ADAMTSL1: variants seen among roughly 807,000 people sequenced by gnomAD.
The protein encoded by ADAMTSL1 is ADAMTS like 1.
ADAMTSL1 carries 126 observed loss-of-function variants against 201.8 expected under a neutral mutation model. The observed-to-expected ratio is 0.62, with a 90% CI of 0.54 to 0.72. The LOEUF is 0.72. ADAMTSL1 is among the 30% of genes least tolerant of loss of function. ADAMTSL1 has a pLI of 0.00. For synonymous variants in ADAMTSL1, 1,121 were observed against 903.4 expected (o/e 1.24, Z -4.32); for missense variants, 2,679 against 2,277.8 (o/e 1.18, Z -3.59).
chr9:18,368,260 A>C (rs148126607), intron 2 of ADAMTSL1, among the ~76,000 whole-genome samples: 3 of 152,048 alleles, frequency 2.0e-5, no homozygotes, highest in Non-Finnish European at 2.9e-5. Context: ...GGCCTCATCA[A>C]TATGAAACAT....
chr9:18,777,491 C>G lies in ADAMTSL1; in HGVS notation c.3262C>G (p.Gln1088Glu), dbSNP rs1352939648. ...CGACATCCTGGGGAACCTCTCCCAG[C>G]AGCCCGAGGAGCTGCGCGACCTCTA... ...LDDILGNLSQ[Q>E]PEELRDLYSK... The change falls in exon 19 of 29, where the codon CAG becomes GAG. Residue 1088 changes from glutamine (Q) to glutamate (E), a missense_variant. Coordinates refer to ENST00000380548, the MANE Select transcript of ADAMTSL1 (RefSeq NM_001040272.6). 1 of 1,593,938 alleles carries G rather than the reference C, an allele frequency of 6.3e-7. No individual in the cohort carries two copies. The highest frequency in any genetic ancestry group is 8.5e-7 in the Non-Finnish European group (1 of 1,170,700).
chr9:18,089,061 A>G (rs1381974391), intron 1 of ADAMTSL1, among the ~76,000 whole-genome samples: 2 of 152,196 alleles, frequency 1.3e-5, no homozygotes, highest in African/African-American at 4.8e-5. Context: ...TCCTTTAAAA[A>G]GAAGAAAATG....
At chr9:18,051,100 G>A (rs1197230849) in intron 1 of ADAMTSL1, among the ~76,000 whole-genome samples, 1 of 152,188 alleles carries the variant, frequency 6.6e-6, no homozygotes, top group Non-Finnish European at 1.5e-5. Context: ...AGGAGATGGA[G>A]ACCATCCTGG....
intron 2 of ADAMTSL1, among the ~76,000 whole-genome samples, chr9:18,334,751 A>G (rs913890752): frequency 2.6e-5 from 4 of 152,158 alleles, no homozygotes; most frequent in Non-Finnish European, 4.4e-5. Flanking sequence ...ACAGAAACCA[A>G]ATAGAATAAA....
intron 4 of ADAMTSL1, among the ~76,000 whole-genome samples, chr9:18,592,449 G>T (rs1334446382): frequency 6.6e-6 from 1 of 152,096 alleles, no homozygotes; most frequent in Non-Finnish European, 1.5e-5. Context: ...TCCACAGATT[G>T]GTTGCCATTG....
chr9:18,803,164 C>T (rs1241018856), intron 20 of ADAMTSL1, among the ~76,000 whole-genome samples: 1 of 152,232 alleles, frequency 6.6e-6, no homozygotes, highest in Admixed American at 6.5e-5. Flanking sequence ...AAGATGTCAA[C>T]AGGCTTTATC....
intron 1 of ADAMTSL1, among the ~76,000 whole-genome samples, chr9:18,079,096 A>T (rs1354453565): frequency 6.6e-6 from 1 of 152,114 alleles, no homozygotes; most frequent in Non-Finnish European, 1.5e-5. Context: ...ATTAGGGTTG[A>T]CTCAAGAGGG....
At chr9:17,978,482 C>A (rs1280024923) in intron 1 of ADAMTSL1, among the ~76,000 whole-genome samples, 1 of 151,860 alleles carries the variant, frequency 6.6e-6, no homozygotes, top group African/African-American at 2.4e-5. Flanking sequence ...CTTTGTATTT[C>A]CATGAGGCTT....
chr9:18,327,327 A>G (rs1834866892), intron 2 of ADAMTSL1, among the ~76,000 whole-genome samples: 1 of 152,220 alleles, frequency 6.6e-6, no homozygotes, highest in African/African-American at 2.4e-5. Context: ...ATCTATTCCA[A>G]AGGAATGAAC....
intron 1 of ADAMTSL1, among the ~76,000 whole-genome samples, chr9:18,085,624 T>C (rs1462954777): frequency 2.0e-5 from 3 of 149,314 alleles, no homozygotes; most frequent in Non-Finnish European, 4.5e-5. Flanking sequence ...TATACGTATA[T>C]ACACTGTGTG....
chr9:18,275,422 T>G (rs916887839), intron 2 of ADAMTSL1, among the ~76,000 whole-genome samples: 1 of 152,174 alleles, frequency 6.6e-6, no homozygotes, highest in Non-Finnish European at 1.5e-5. Flanking sequence ...TAAATATGAA[T>G]AGTCATCCAA....
At chr9:18,875,947 G>A (rs1828119982) in intron 23 of ADAMTSL1, among the ~76,000 whole-genome samples, 1 of 150,568 alleles carries the variant, frequency 6.6e-6, no homozygotes, top group Admixed American at 6.7e-5. Context: ...GCATAGTTAG[G>A]ATTATGATAT....
intron 1 of ADAMTSL1, among the ~76,000 whole-genome samples, chr9:18,032,831 C>T (rs147334362): frequency 1.3e-5 from 2 of 152,290 alleles, no homozygotes; most frequent in African/African-American, 4.8e-5. Flanking sequence ...TTCCTTTACT[C>T]ATCCCTTCCA....
chr9:18,703,056 G>A (rs1165119621), intron 13 of ADAMTSL1, among the ~76,000 whole-genome samples: 7 of 152,136 alleles, frequency 4.6e-5, no homozygotes, highest in South Asian at 2.1e-4. Flanking sequence ...GTGCCCGGCC[G>A]ACAAGAAGAA....
At chr9:18,749,828 T>C (rs1049983946) in intron 15 of ADAMTSL1, among the ~76,000 whole-genome samples, 2 of 152,264 alleles carry the variant, frequency 1.3e-5, no homozygotes, top group African/African-American at 4.8e-5. Context: ...TCCTTGAGAA[T>C]GCAGTGCACT....
chr9:18,213,885 C>T (rs1829970869), intron 2 of ADAMTSL1, among the ~76,000 whole-genome samples: 2 of 151,972 alleles, frequency 1.3e-5, no homozygotes, highest in Admixed American at 1.3e-4. Flanking sequence ...GATTACACGC[C>T]TGGCTTGCTT....
intron 2 of ADAMTSL1, among the ~76,000 whole-genome samples, chr9:18,514,875 G>A (rs1818272069): frequency 6.6e-6 from 1 of 152,112 alleles, no homozygotes; most frequent in African/African-American, 2.4e-5. Flanking sequence ...TGATATTAGA[G>A]GAAAAGCCAT....
chr9:18,896,165 A>C (rs1373595758), intron 26 of ADAMTSL1, among the ~76,000 whole-genome samples: 1 of 152,216 alleles, frequency 6.6e-6, no homozygotes, highest in Non-Finnish European at 1.5e-5. Flanking sequence ...TTATTTGCAG[A>C]AATAATGGCC....
intron 9 of ADAMTSL1, among the ~76,000 whole-genome samples, chr9:18,663,456 A>G (rs1829235154): frequency 2.0e-5 from 3 of 152,158 alleles, no homozygotes; most frequent in Non-Finnish European, 4.4e-5. Flanking sequence ...TGGAAATCTT[A>G]AGGGTTTGAA....
Sources: gnomAD v4.1 joint callset for allele counts (sites outside exome capture counted in the v4.1 genomes callset) on GRCh38, gnomAD v4.1.1 for gene constraint, MANE v1.5 for transcripts, NCBI Gene and HGNC (gene_info 2026-07-23, HGNC 2026-07-21) for gene names.